The following MED13L variants were observed in gnomAD, a reference collection of about 807,000 sequenced individuals.
The protein encoded by MED13L is mediator of RNA polymerase II transcription subunit 13-like.
MED13L carries 7 observed loss-of-function variants against 220.9 expected under a neutral mutation model. The ratio of observed to expected loss-of-function variants is 0.03; its 90% CI spans 0.02 to 0.06. The LOEUF is 0.06. Among genes scored for constraint, MED13L ranks in the 10% least tolerant of loss-of-function variants. MED13L has a pLI of 1.00. For synonymous variants in MED13L, 1,011 were observed against 1,015.2 expected (o/e 1.00, Z 0.08); for missense variants, 1,965 against 2,760.5 (o/e 0.71, Z 6.46).
intron 2 of MED13L, among the ~76,000 whole-genome samples, chr12:116,222,112 T>C (rs2138396501): frequency 6.6e-6 from 1 of 152,292 alleles, no homozygotes; most frequent in South Asian, 2.1e-4. Flanking sequence ...ATCATGAAGA[T>C]TTTAATATTC....
At chr12:116,151,257 G>A (rs1270194333) in intron 2 of MED13L, among the ~76,000 whole-genome samples, 1 of 152,048 alleles carries the variant, frequency 6.6e-6, no homozygotes, top group Non-Finnish European at 1.5e-5. Flanking sequence ...GTCTTCATAA[G>A]GACGTCAATT....
intron 4 of MED13L, among the ~76,000 whole-genome samples, chr12:116,038,124 T>A (rs1471269196): frequency 6.6e-6 from 1 of 151,940 alleles, no homozygotes; most frequent in African/African-American, 2.4e-5. Flanking sequence ...AGGTAAACTG[T>A]AACCACCAAA....
At chr12:116,043,818 G>A (rs1881675287) in intron 4 of MED13L, among the ~76,000 whole-genome samples, 1 of 152,188 alleles carries the variant, frequency 6.6e-6, no homozygotes, top group African/African-American at 2.4e-5. Flanking sequence ...AGTGGGGAAG[G>A]GGAAAAGTAA....
At position 115,970,797 on chromosome 12, in the gene MED13L, C is replaced by T. The variant is rs767230815; in HGVS notation, c.5891-27G>A. The T allele has an allele frequency of 1.1e-5, 17 of 1,604,354 alleles. No homozygotes were observed. In the East Asian group the frequency reaches 3.6e-4, roughly 34 times the overall value. On this transcript the variant is annotated intron_variant, in intron 26 of 30. Transcript: ENST00000281928. The stretch of plus-strand genomic sequence containing the variant: ...TTTAAAGAAAAAAATAGAATTATAT[C>T]AATCAATGAACAACCCCAGAAATGA...
intron 2 of MED13L, among the ~76,000 whole-genome samples, chr12:116,135,001 C>A (rs937268092): frequency 5.3e-5 from 8 of 152,062 alleles, no homozygotes; most frequent in Non-Finnish European, 1.2e-4. Context: ...AACCCTGCCG[C>A]TACTAAAAAT....
At position 115,991,431 on chromosome 12, in the gene MED13L, T is replaced by C. The variant is rs146115959; in HGVS notation, c.3523A>G (p.Asn1175Asp). 7 of 1,614,144 alleles carry C rather than the reference T, an allele frequency of 4.3e-6. No homozygotes were observed. Among genetic ancestry groups the C allele is most frequent in the Non-Finnish European group, 5.9e-6 (7 of 1,180,026 alleles). ...SAIMNRKLGY[N>D]SGLFLEDELD... ...TCATCTTCAAGGAAGAGTCCTGAATTGTAGCCAAGTTTGCGGTTCATAATC... is the reference window on the plus strand; with the variant it reads ...TCATCTTCAAGGAAGAGTCCTGAATCGTAGCCAAGTTTGCGGTTCATAATC... The change falls in exon 17 of 31, where the codon AAT (asparagine) becomes GAT (aspartate). Residue 1175 changes from asparagine to aspartate, a missense_variant. Asn to Asp is a conservative substitution (Grantham distance 23). Transcript: ENST00000281928. This position sits in a 1 kb window ranked among gnomAD's most constrained non-coding sequence, Gnocchi z 7.7.
chr12:116,080,225 T>C (rs927276365), intron 4 of MED13L, among the ~76,000 whole-genome samples: 1 of 152,204 alleles, frequency 6.6e-6, no homozygotes, highest in East Asian at 1.9e-4. Context: ...ACCTTCTTTA[T>C]ATACTTGGCA....
At chr12:116,150,668 C>T (rs1034047043) in intron 2 of MED13L, among the ~76,000 whole-genome samples, 9 of 152,200 alleles carry the variant, frequency 5.9e-5, no homozygotes, top group Non-Finnish European at 1.2e-4. Flanking sequence ...ACCATTCTCA[C>T]ATCTGGCATT....
At chr12:116,239,754 A>G (rs750336129) in intron 1 of MED13L, among the ~76,000 whole-genome samples, 1 of 152,246 alleles carries the variant, frequency 6.6e-6, no homozygotes, top group Non-Finnish European at 1.5e-5. Context: ...CTGTTCAATT[A>G]ATAGTCTCCC....
At chr12:116,096,376 A>AAAAAAAAAAAAAAAAAAAAAAAAC (rs1872643475) in intron 4 of MED13L, among the ~76,000 whole-genome samples, 1 of 147,638 alleles carries the variant, frequency 6.8e-6, no homozygotes, top group African/African-American at 2.5e-5. Context: ...AAAAAAAAAA[A>AAAAAAAAAAAAAAAAAAAAAAAAC]AAAAAGTCAA....
At chr12:116,097,072 C>G (rs971821507) in intron 3 of MED13L, among the ~76,000 whole-genome samples, 2 of 152,098 alleles carry the variant, frequency 1.3e-5, no homozygotes, top group Admixed American at 6.5e-5. Context: ...TCAATTCTTG[C>G]ATCATCAAGA....
chr12:116,022,428 G>A, intron 5 of MED13L, 28 bp downstream of exon 5: 2 of 1,612,924 alleles, frequency 1.2e-6, no homozygotes, highest in Non-Finnish European at 1.7e-6. Flanking sequence ...GGCGGATAGG[G>A]GTGGAGAGCA....
intron 12 of MED13L, 86 bp from the exon 13 acceptor site, chr12:116,006,079 T>A (rs576631366): frequency 1.3e-6 from 2 of 1,553,886 alleles, no homozygotes; most frequent in African/African-American, 2.7e-5. Context: ...TCAATGAACA[T>A]GACCTGCCTG....
chr12:115,996,410 A>G (rs922631872), intron 16 of MED13L, 66 bp downstream of exon 16: 1 of 1,549,606 alleles, frequency 6.5e-7, no homozygotes, highest in African/African-American at 1.4e-5. Flanking sequence ...CATTTTTAAC[A>G]AACATTTAGT....
At chr12:116,126,076 T>C (rs1327670581) in intron 2 of MED13L, among the ~76,000 whole-genome samples, 1 of 152,218 alleles carries the variant, frequency 6.6e-6, no homozygotes. Flanking sequence ...CCAGGAAAAG[T>C]TGTCATTATC....
intron 2 of MED13L, chr12:116,236,706 C>T (rs1488920481): frequency 1.3e-5 from 4 of 306,096 alleles, no homozygotes; most frequent in African/African-American, 9.0e-5. Context: ...TAAATAGAAA[C>T]ACTTAGATAA....
chr12:116,143,560 C>T (rs1877259238), intron 2 of MED13L, among the ~76,000 whole-genome samples: 1 of 152,172 alleles, frequency 6.6e-6, no homozygotes, highest in Non-Finnish European at 1.5e-5. Flanking sequence ...TTGTCCACAG[C>T]AGCTGATATC....
At chr12:116,274,868 T>C (rs1873683122) in intron 1 of MED13L, among the ~76,000 whole-genome samples, 1 of 151,764 alleles carries the variant, frequency 6.6e-6, no homozygotes, top group Non-Finnish European at 1.5e-5. Flanking sequence ...AGGGGAGAAA[T>C]ATCTCAAACA....
intron 2 of MED13L, among the ~76,000 whole-genome samples, chr12:116,192,172 C>T (rs772374977): frequency 2.6e-5 from 4 of 152,152 alleles, no homozygotes; most frequent in Non-Finnish European, 5.9e-5. Context: ...ACAACCAGTG[C>T]CCTGGATCCA....
Sources: allele counts gnomAD v4.1 joint callset (sites outside exome capture counted in the v4.1 genomes callset), GRCh38; gene constraint gnomAD v4.1.1; non-coding constraint Gnocchi (gnomAD v3.1); transcripts MANE v1.5; gene names NCBI Gene and HGNC (gene_info 2026-07-23, HGNC 2026-07-21).